TKTL1: variants seen among roughly 807,000 people sequenced by gnomAD.
TKTL1 encodes the protein transketolase-like protein 1.
A neutral mutation model predicts 39.3 loss-of-function variants in TKTL1; 1 was observed. The observed-to-expected ratio is 0.03, with a 90% CI of 0.01 to 0.12. The LOEUF is 0.12. TKTL1 is among the 10% of genes least tolerant of loss of function. TKTL1 has a pLI of 1.00. For missense variants in TKTL1, 575 were observed against 509.6 expected (o/e 1.13, Z -1.24); for synonymous variants, 262 against 193.8 (o/e 1.35, Z -2.92).
chrX:154,309,697 T>C (rs781822704), intron 3 of TKTL1, among the ~76,000 whole-genome samples: 3 of 111,381 alleles, frequency 2.7e-5, no homozygotes, highest in Admixed American at 9.5e-5. Context: ...CTAGGGTTGA[T>C]AGCTTTTTTA....
At chrX:154,314,008 G>A (rs782194947) in intron 6 of TKTL1, among the ~76,000 whole-genome samples, 3 of 109,558 alleles carry the variant, frequency 2.7e-5, no homozygotes, top group South Asian at 3.8e-4. Context: ...TGTAAAAAGC[G>A]GGGGGACCAT....
intron 2 of TKTL1, among the ~76,000 whole-genome samples, chrX:154,308,989 C>T (rs1252250944): frequency 9.0e-6 from 1 of 110,974 alleles, no homozygotes; most frequent in African/African-American, 3.3e-5. Flanking sequence ...ACGTTTTCTG[C>T]TTTGTACTTG....
chrX:154,314,413 A>G (rs1314792340), intron 6 of TKTL1, among the ~76,000 whole-genome samples: 1 of 112,013 alleles, frequency 8.9e-6, no homozygotes, highest in Non-Finnish European at 1.9e-5. Context: ...TTAGTAATGC[A>G]GATGACTCAT....
At chrX:154,303,674 C>G (rs192863531) in intron 1 of TKTL1, among the ~76,000 whole-genome samples, 3 of 107,465 alleles carry the variant, frequency 2.8e-5, no homozygotes, top group African/African-American at 1.0e-4. Context: ...TCCTGGGCTG[C>G]GTGCCACCCC....
At chrX:154,328,012 G>C in intron 12 of TKTL1, 54 bp downstream of exon 12, 1 of 1,193,847 alleles carries the variant, frequency 8.4e-7, no homozygotes, top group Non-Finnish European at 1.1e-6. Flanking sequence ...TTGTTTCCTT[G>C]ATTGGCCACA....
intron 6 of TKTL1, among the ~76,000 whole-genome samples, chrX:154,314,617 C>T (rs941603911): frequency 1.6e-4 from 18 of 110,952 alleles, no homozygotes; most frequent in African/African-American, 5.9e-4. Flanking sequence ...CCTCTGCCCC[C>T]GGATTCAAGC....
Position 154,320,741 on chromosome X carries a change from G to A in TKTL1, c.1030-16G>A. 3 of 1,210,319 alleles carry A rather than the reference G, an allele frequency of 2.5e-6. No individual in the cohort carries two copies. Among genetic ancestry groups the A allele is most frequent in the Non-Finnish European group, 3.4e-6 (3 of 894,188 alleles). On this transcript the variant is annotated splice_polypyrimidine_tract_variant and intron_variant, in intron 7 of 12. Coordinates refer to ENST00000369915, the MANE Select transcript of TKTL1 (RefSeq NM_012253.4). ...AATGCCCAGGGATGTTCTGATTCAT[G>A]TTCTCTGTGCTGCAGGTGAGCGTGG...
chrX:154,304,436 C>CTT (rs782651455), intron 1 of TKTL1, among the ~76,000 whole-genome samples: 2 of 108,599 alleles, frequency 1.8e-5, no homozygotes, highest in African/African-American at 6.7e-5. Context: ...TCCTTTGAAG[C>CTT]TTTTTTTTTA....
Position 154,325,260 on chromosome X carries a change from C to T in TKTL1, c.1318-79C>T, listed in dbSNP as rs1216648502. 24 of 950,383 alleles carry T rather than the reference C, an allele frequency of 2.5e-5. No homozygotes were observed. The African/African-American group carries it at 4.4e-4, about 18-fold the overall frequency. The allele number at this position is 950,383 out of a possible 1,213,427, so 78.3% of individuals were successfully genotyped here. ...TAGAAAGAGCTGTCCTCTTCACACCCCTCCTTCACTTCTTTCAACGTCTGT... is the reference window on the plus strand; with the variant it reads ...TAGAAAGAGCTGTCCTCTTCACACCTCTCCTTCACTTCTTTCAACGTCTGT... On this transcript the variant is annotated intron_variant, in intron 9 of 12. Transcript: ENST00000369915.
chrX:154,315,284 A>G lies in TKTL1; in HGVS notation c.976A>G (p.Asn326Asp), dbSNP rs149261694. 3.3e-6 allele frequency: 4 copies of G among 1,209,443 alleles called. No individual in the cohort carries two copies. In the African/African-American group the frequency reaches 5.3e-5, roughly 16 times the overall value. ...TRYSTFSEIF[N>D]KEYPERFIEC... ...GTACTCTACTTTCTCTGAGATATTCAACAAGGAGTACCCTGAGCGCTTCAT... is the reference window on the plus strand; with the variant it reads ...GTACTCTACTTTCTCTGAGATATTCGACAAGGAGTACCCTGAGCGCTTCAT... The change falls in exon 7 of 13, where the codon AAC becomes GAC. Residue 326 changes from asparagine (N) to aspartate (D), a missense_variant. Transcript: ENST00000369915.
intron 9 of TKTL1, 66 bp downstream of exon 9, chrX:154,323,403 T>C: frequency 9.1e-7 from 1 of 1,102,468 alleles, no homozygotes; most frequent in Non-Finnish European, 1.2e-6. Context: ...TTCATACTGA[T>C]GATTGGACTT....
At chrX:154,323,412 T>A in intron 9 of TKTL1, 75 bp downstream of exon 9, 2 of 1,065,872 alleles carry the variant, frequency 1.9e-6, no homozygotes, top group Non-Finnish European at 2.5e-6. Context: ...ATGATTGGAC[T>A]TTTTTTTCTC....
chrX:154,329,614 G>A lies in TKTL1; in HGVS notation c.1717G>A (p.Glu573Lys), dbSNP rs781929252. 3.3e-6 allele frequency: 4 copies of A among 1,211,895 alleles called. No individual in the cohort carries two copies. The highest frequency in any genetic ancestry group is 5.9e-5 in the East Asian group (2 of 33,898). The part of the protein sequence containing the change: ...VSGVPQSGKS[E>K]ELLDMYGISA... ...GGGAGTGCCCCAGAGTGGGAAGTCC[G>A]AGGAATTGCTGGATATGTATGGAAT... Residue 573 changes from glutamate to lysine, a missense_variant, in exon 13 of 13, where the codon GAG becomes AAG. By Grantham distance (56) the Glu-to-Lys change is moderately conservative. Coordinates refer to ENST00000369915, the MANE Select transcript of TKTL1 (RefSeq NM_012253.4).
At chrX:154,327,990 GT>G in intron 12 of TKTL1, 32 bp downstream of exon 12, 2 of 1,207,738 alleles carry the variant, frequency 1.7e-6, no homozygotes, top group East Asian at 3.0e-5. Flanking sequence ...GCTTTGGAAG[GT>G]TTTGGTGTTT....
In TKTL1 at chrX:154,316,513, A is replaced by G. The variant is rs5945410; in HGVS notation, c.1029+1176A>G. 3.5e-3 allele frequency among the ~76,000 whole-genome samples: 387 copies of G among 111,521 alleles called. 1 individual carries two copies. Among genetic ancestry groups the G allele is most frequent in the Non-Finnish European group, 5.8e-3 (306 of 53,048 alleles). On this transcript the variant is annotated intron_variant, in intron 7 of 12. Transcript: ENST00000369915. ...CAGGACTTAAACGCTGCAATGTACCACTGCATTCCAGCCTGTGAAACAGCG... is the reference window on the plus strand; with the variant it reads ...CAGGACTTAAACGCTGCAATGTACCGCTGCATTCCAGCCTGTGAAACAGCG...
At chrX:154,321,103 C>T (rs1003651865) in intron 8 of TKTL1, among the ~76,000 whole-genome samples, 190 bp downstream of exon 8, 2 of 110,644 alleles carry the variant, frequency 1.8e-5, no homozygotes, top group South Asian at 7.9e-4. Context: ...GTGCATCTCT[C>T]GGTGGTACTG....
chrX:154,321,084 A>G (rs1557170648), intron 8 of TKTL1, among the ~76,000 whole-genome samples, 171 bp downstream of exon 8: 3 of 108,005 alleles, frequency 2.8e-5, no homozygotes, highest in African/African-American at 6.8e-5. Context: ...TCTCAGGGCA[A>G]CTTTTGAAGT....
At chrX:154,320,991 C>A in intron 8 of TKTL1, 78 bp downstream of exon 8, 1 of 1,043,796 alleles carries the variant, frequency 9.6e-7, no homozygotes, top group Non-Finnish European at 1.3e-6. Flanking sequence ...GGTTAAACCA[C>A]GAATTTCCTT....
chrX:154,316,491 G>A (rs2067401117), intron 7 of TKTL1, among the ~76,000 whole-genome samples: 2 of 111,470 alleles, frequency 1.8e-5, no homozygotes, highest in African/African-American at 6.5e-5. Context: ...TTGATCCCAG[G>A]ACTTAAACGC....
Sources: allele counts gnomAD v4.1 joint callset (sites outside exome capture counted in the v4.1 genomes callset), GRCh38; gene constraint gnomAD v4.1.1; transcripts MANE v1.5; gene names NCBI Gene and HGNC (gene_info 2026-07-23, HGNC 2026-07-21).